ALDH1L1: variants seen among roughly 807,000 people sequenced by gnomAD.
ALDH1L1 encodes aldehyde dehydrogenase 1 family member L1, also known as cytosolic 10-formyltetrahydrofolate dehydrogenase.
In ALDH1L1, 68 loss-of-function variants were observed where a neutral mutation model predicts 101.1. That is an observed-to-expected ratio of 0.67 (90% CI 0.55 to 0.82). ALDH1L1 has a LOEUF of 0.82. Ranked by LOEUF, ALDH1L1 falls within the 40% of genes least tolerant of loss-of-function variation. ALDH1L1 has a pLI of 0.00. For synonymous variants in ALDH1L1, 486 were observed against 470.8 expected (o/e 1.03, Z -0.42); for missense variants, 1,087 against 1,172.7 (o/e 0.93, Z 1.07).
rs200355368 is a variant in ALDH1L1 at position 126,146,313 on chromosome 3, C to CCCA, written c.1076+519_1076+521dup. ...TGGGCTCCCGCTCTCCCTCCTGGAA[C>CCCA]CCACCACCACCACAGGACCAGCCAG... On this transcript the variant is annotated intron_variant, in intron 9 of 22. Coordinates refer to ENST00000393434, the MANE Select transcript of ALDH1L1 (RefSeq NM_012190.4). Among the ~76,000 whole-genome samples the CCCA allele has an allele frequency of 4.3e-4, 66 of 152,254 alleles. 1 individual carries two copies. In the East Asian group the frequency reaches 0.012, roughly 28 times the overall value.
chr3:126,130,206 C>T lies in ALDH1L1; in HGVS notation c.1694+17G>A, dbSNP rs1301739556. Reference sequence around the variant, plus strand: ...AAAGCACCGCGAGGCTGCACCTCGCCCTGGGCAGGAACTCACCCAACAGGC... The same window carrying T: ...AAAGCACCGCGAGGCTGCACCTCGCTCTGGGCAGGAACTCACCCAACAGGC... On this transcript the variant is annotated intron_variant, in intron 14 of 22. Transcript: ENST00000393434. 2 of 1,597,096 alleles carry T rather than the reference C, an allele frequency of 1.3e-6. No individual in the cohort carries two copies. Among genetic ancestry groups the T allele is most frequent in the African/African-American group, 2.7e-5 (2 of 74,232 alleles).
chr3:126,159,459 A>G, intron 2 of ALDH1L1: 1 of 456,700 alleles, frequency 2.2e-6, no homozygotes, highest in South Asian at 1.5e-5. Context: ...TACCCAAGGA[A>G]CACTTCTTTG....
chr3:126,138,665 G>A (rs1008224434), intron 9 of ALDH1L1, among the ~76,000 whole-genome samples: 7 of 152,328 alleles, frequency 4.6e-5, no homozygotes, highest in Middle Eastern at 6.8e-3. Flanking sequence ...CTGAGCAACT[G>A]GAGCTTGCAC....
intron 1 of ALDH1L1, among the ~76,000 whole-genome samples, chr3:126,195,953 G>A (rs945363841): frequency 6.6e-6 from 1 of 152,094 alleles, no homozygotes; most frequent in Non-Finnish European, 1.5e-5. Flanking sequence ...CACACACCGG[G>A]GCCTGTCATG....
At chr3:126,179,474 T>C (rs1462835099) in intron 1 of ALDH1L1, among the ~76,000 whole-genome samples, 3 of 151,532 alleles carry the variant, frequency 2.0e-5, no homozygotes, top group Non-Finnish European at 4.4e-5. Flanking sequence ...CACTCCAGCC[T>C]GGGCGACAGA....
At chr3:126,155,094 C>G (rs972813085) in intron 5 of ALDH1L1, among the ~76,000 whole-genome samples, 1 of 152,178 alleles carries the variant, frequency 6.6e-6, no homozygotes, top group Non-Finnish European at 1.5e-5. Flanking sequence ...GAAGACTGCT[C>G]GCACTACGGC....
intron 9 of ALDH1L1, among the ~76,000 whole-genome samples, chr3:126,143,017 C>T (rs2080597206): frequency 6.6e-6 from 1 of 152,218 alleles, no homozygotes; most frequent in Non-Finnish European, 1.5e-5. Context: ...ACATACTGAA[C>T]ATCAGCGCTT....
At chr3:126,155,319 G>T (rs2080882762) in intron 5 of ALDH1L1, 83 bp downstream of exon 5, 6 of 1,271,012 alleles carry the variant, frequency 4.7e-6, no homozygotes, top group Non-Finnish European at 6.6e-6. Context: ...CATCTGGGCT[G>T]AACCCCAGCC....
At chr3:126,159,913 C>T (rs1393750356) in intron 2 of ALDH1L1, among the ~76,000 whole-genome samples, 4 of 152,204 alleles carry the variant, frequency 2.6e-5, no homozygotes, top group Non-Finnish European at 5.9e-5. Flanking sequence ...CCTTAACAAA[C>T]TACACCTCTG....
intron 1 of ALDH1L1, among the ~76,000 whole-genome samples, chr3:126,167,537 C>T (rs2081194048): frequency 6.6e-6 from 1 of 152,088 alleles, no homozygotes; most frequent in South Asian, 2.1e-4. Flanking sequence ...CCATAATTGG[C>T]AGCTAATTTA....
At position 126,120,053 on chromosome 3, in the gene ALDH1L1, G is replaced by A. The variant is rs376932965; in HGVS notation, c.1889-1955C>T. Among the ~76,000 whole-genome samples the A allele has an allele frequency of 4.1e-4, 62 of 152,328 alleles. No homozygotes were observed. The East Asian group carries it at 8.7e-3, about 21-fold the overall frequency. On this transcript the variant is annotated intron_variant, in intron 16 of 22. Transcript: ENST00000393434. The stretch of plus-strand genomic sequence containing the variant: ...GGAACGCAAAATGGCACAGCCAGTC[G>A]GGAAGACAGTTTAGCAGTCAGTTTA...
chr3:126,180,623 C>G, upstream of ALDH1L1: 1 of 1,282,074 alleles, frequency 7.8e-7, no homozygotes, highest in Non-Finnish European at 9.9e-7. Context: ...AGGCCAGAGC[C>G]CGTGAGGGGA....
chr3:126,150,029 A>C (rs1027554698), intron 8 of ALDH1L1, among the ~76,000 whole-genome samples: 3 of 152,236 alleles, frequency 2.0e-5, no homozygotes, highest in Non-Finnish European at 4.4e-5. Flanking sequence ...TGTGTTGGTC[A>C]CAGCCCGGGA....
chr3:126,129,058 G>A (rs2080244313), intron 14 of ALDH1L1: 1 of 152,540 alleles, frequency 6.6e-6, no homozygotes, highest in African/African-American at 2.4e-5. Context: ...GTTGTGGGGG[G>A]CTGTACTCTA....
intron 1 of ALDH1L1, among the ~76,000 whole-genome samples, chr3:126,165,637 C>T (rs546767295): frequency 1.3e-5 from 2 of 152,064 alleles, no homozygotes; most frequent in East Asian, 1.9e-4. Flanking sequence ...CAATCTTTTC[C>T]TACTTTAGTC....
intron 12 of ALDH1L1, among the ~76,000 whole-genome samples, chr3:126,133,412 C>T (rs2080355400): frequency 1.3e-5 from 2 of 152,198 alleles, no homozygotes; most frequent in South Asian, 4.1e-4. Flanking sequence ...CTGCAGCCCA[C>T]TAAAGCTTGT....
intron 1 of ALDH1L1, among the ~76,000 whole-genome samples, chr3:126,187,630 C>T (rs1014475036): frequency 6.6e-6 from 1 of 152,030 alleles, no homozygotes; most frequent in Non-Finnish European, 1.5e-5. Flanking sequence ...GAAGCAGGCA[C>T]GGAGGAAAAG....
intron 22 of ALDH1L1, chr3:126,105,169 TTC>T (rs1421492149): frequency 3.3e-5 from 6 of 182,300 alleles, no homozygotes; most frequent in African/African-American, 1.4e-4. Flanking sequence ...ACCCGTGGTG[TTC>T]ACCCGGGGGT....
At position 126,135,562 on chromosome 3, in the gene ALDH1L1, G is replaced by T. The variant is rs781455179; in HGVS notation, c.1445C>A (p.Ala482Glu). The change falls in exon 12 of 23, where the codon GCG becomes GAG. Residue 482 changes from alanine to glutamate, a missense_variant. This residue lies in a region of ALDH1L1 where 645 missense variants were observed against 637.0 expected (regional missense o/e 1.01). Transcript: ENST00000393434. ...GTACATCAGCCGGCCCCGGTCCCGC[G>T]CACTGATCTTCCCCCACCGTCCATT... ...FENGRWGKISARDRGRLMYRL... is the reference protein window; with the variant it reads ...FENGRWGKISERDRGRLMYRL... 5.0e-6 allele frequency: 8 copies of T among 1,606,842 alleles called. No homozygotes were observed. The highest frequency in any genetic ancestry group is 5.1e-6 in the Non-Finnish European group (6 of 1,177,288).
Sources: allele counts gnomAD v4.1 joint callset (sites outside exome capture counted in the v4.1 genomes callset), GRCh38; gene constraint gnomAD v4.1.1; regional missense constraint gnomAD v4.1.1; transcripts MANE v1.5; gene names NCBI Gene and HGNC (gene_info 2026-07-23, HGNC 2026-07-21).